EYS: variants seen among roughly 807,000 people sequenced by gnomAD.
EYS encodes the protein protein eyes shut homolog.
In EYS, 250 loss-of-function variants were observed where a neutral mutation model predicts 282.1. That is an observed-to-expected ratio of 0.89 (90% confidence interval 0.80 to 0.98). The LOEUF (loss-of-function observed/expected upper bound fraction) is 0.98. EYS is among the 50% of genes least tolerant of loss of function. EYS has a pLI of 0.00. For missense variants in EYS, 4,016 were observed against 3,709.0 expected (o/e 1.08, Z -2.15); for synonymous variants, 1,355 against 1,282.9 (o/e 1.06, Z -1.20).
chr6:63,720,645 A>G lies in EYS; in HGVS notation c.9386T>C (p.Leu3129Ser). 1.3e-6 allele frequency: 2 copies of G among 1,529,312 alleles called. No individual in the cohort carries two copies. Among genetic ancestry groups the G allele is most frequent in the Non-Finnish European group, 1.8e-6 (2 of 1,136,718 alleles). The allele number at this position is 1,529,312 out of a possible 1,614,324, so 94.7% of individuals were successfully genotyped here. A position where few individuals can be genotyped will look rare whatever the true frequency, so the allele number is the denominator to read the frequency against. ...QEPKNIELIKLEGYNVYDGDE... is the reference protein window; with the variant it reads ...QEPKNIELIKSEGYNVYDGDE... ...TCCATCATAAACATTGTATCCTTCT[A>G]ATTTAATTAGTTCAATGTTTTTTGG... Residue 3129 changes from leucine (L) to serine (S), a missense_variant, in exon 43 of 43, where the codon TTA becomes TCA. Coordinates refer to ENST00000503581, the MANE Select transcript of EYS (RefSeq NM_001142800.2).
At chr6:64,781,469 T>C (rs371348381) in intron 22 of EYS, among the ~76,000 whole-genome samples, 136 of 150,898 alleles carry the variant, frequency 9.0e-4, no homozygotes, top group African/African-American at 3.2e-3. Flanking sequence ...CCCAGCACTT[T>C]GGGAGGCTGA....
intron 29 of EYS, among the ~76,000 whole-genome samples, chr6:64,385,889 T>G (rs1772892577): frequency 6.6e-6 from 1 of 152,330 alleles, no homozygotes; most frequent in East Asian, 1.9e-4. Flanking sequence ...CTTGTGACAT[T>G]TTTTTCCTTT....
At chr6:65,556,586 C>T (rs1228266846) in intron 2 of EYS, among the ~76,000 whole-genome samples, 1 of 152,022 alleles carries the variant, frequency 6.6e-6, no homozygotes, top group African/African-American at 2.4e-5. Flanking sequence ...ATGTGCTTCT[C>T]TAAAGAAAAC....
chr6:64,113,951 T>G (rs111435831), intron 31 of EYS, among the ~76,000 whole-genome samples: 10,022 of 152,194 alleles, frequency 0.066, 989 homozygotes, highest in African/African-American at 0.22. Flanking sequence ...TTTACATATT[T>G]TCTATGGCTG....
chr6:65,194,405 AAATTT>A (rs1362095780), intron 12 of EYS, among the ~76,000 whole-genome samples: 2 of 151,938 alleles, frequency 1.3e-5, no homozygotes, highest in East Asian at 1.9e-4. Flanking sequence ...TTTTTATGTT[AAATTT>A]AAGTTTTAAA....
chr6:64,175,521 T>C lies in EYS; in HGVS notation c.6424+55071A>G, dbSNP rs551439155. Reference sequence around the variant, plus strand: ...GTACGTAAATTATTACTTCTCCAGATAGTCTGATAAGGGGAGGTAATTCAT... The same window carrying C: ...GTACGTAAATTATTACTTCTCCAGACAGTCTGATAAGGGGAGGTAATTCAT... On this transcript the variant is annotated intron_variant, in intron 31 of 42. Transcript: ENST00000503581. 2.0e-5 allele frequency among the ~76,000 whole-genome samples: 3 copies of C among 152,332 alleles called. No homozygotes were observed. The South Asian group carries it at 6.2e-4, about 32-fold the overall frequency.
At chr6:64,177,025 T>C (rs1439175108) in intron 31 of EYS, among the ~76,000 whole-genome samples, 3 of 151,752 alleles carry the variant, frequency 2.0e-5, no homozygotes, top group African/African-American at 7.3e-5. Flanking sequence ...CAATGATATT[T>C]TAATTGAAAA....
At chr6:64,727,487 T>A (rs1429523359) in intron 22 of EYS, among the ~76,000 whole-genome samples, 2 of 152,204 alleles carry the variant, frequency 1.3e-5, no homozygotes, top group African/African-American at 4.8e-5. Context: ...CCATATCACC[T>A]ACCAGTTCCT....
rs1766224665 is a variant in EYS at position 65,395,010 on chromosome 6, T to A, written c.1184+7468A>T. Among the ~76,000 whole-genome samples the A allele has an allele frequency of 2.0e-5, 3 of 149,404 alleles. No homozygotes were observed. In the South Asian group the frequency reaches 6.2e-4, roughly 31 times the overall value. On this transcript the variant is annotated intron_variant, in intron 7 of 42. Coordinates refer to ENST00000503581, the MANE Select transcript of EYS (RefSeq NM_001142800.2). ...GCATCCCCTCTAATTCTTTAACATT[T>A]AACCTCTGACATGTTATATCTTTCT...
At chr6:65,627,197 G>T (rs1766733550) in intron 2 of EYS, among the ~76,000 whole-genome samples, 1 of 152,168 alleles carries the variant, frequency 6.6e-6, no homozygotes. Context: ...TGTAAGAAAG[G>T]CAATTTGTAT....
intron 2 of EYS, among the ~76,000 whole-genome samples, chr6:65,524,309 A>T (rs1767479367): frequency 6.6e-6 from 1 of 152,184 alleles, no homozygotes; most frequent in Non-Finnish European, 1.5e-5. Context: ...TCAATGGAAT[A>T]ATTGTTGTGT....
intron 26 of EYS, among the ~76,000 whole-genome samples, chr6:64,468,040 A>T (rs558653823): frequency 1.1e-4 from 16 of 152,216 alleles, no homozygotes; most frequent in Admixed American, 9.8e-4. Flanking sequence ...TGCCACTGCC[A>T]GCACCCAAGC....
intron 14 of EYS, among the ~76,000 whole-genome samples, chr6:64,964,861 C>T (rs768624150): frequency 6.6e-6 from 1 of 151,864 alleles, no homozygotes; most frequent in Non-Finnish European, 1.5e-5. Flanking sequence ...GTGAAATCCC[C>T]ATCTCTACTA....
chr6:65,392,340 G>C (rs1264637476), intron 7 of EYS, among the ~76,000 whole-genome samples: 5 of 152,046 alleles, frequency 3.3e-5, no homozygotes, highest in African/African-American at 1.2e-4. Context: ...TTAAACTAAA[G>C]AGCTTCTGCA....
At chr6:65,462,249 CT>C (rs1207772379) in intron 5 of EYS, among the ~76,000 whole-genome samples, 2 of 151,992 alleles carry the variant, frequency 1.3e-5, no homozygotes, top group Admixed American at 1.3e-4. Context: ...ATATAATGTT[CT>C]TGAAAAGTCA....
chr6:63,758,391 AATG>A (rs1332023456), intron 41 of EYS, among the ~76,000 whole-genome samples: 2 of 152,306 alleles, frequency 1.3e-5, no homozygotes, highest in East Asian at 3.9e-4. Context: ...TTAAAATGAA[AATG>A]ATAAAAATAT....
At chr6:65,109,150 A>G (rs1430474628) in intron 12 of EYS, among the ~76,000 whole-genome samples, 1 of 151,696 alleles carries the variant, frequency 6.6e-6, no homozygotes, top group African/African-American at 2.4e-5. Context: ...TATACAAACT[A>G]TTTTTATTTT....
At chr6:65,533,510 A>C (rs1331018835) in intron 2 of EYS, among the ~76,000 whole-genome samples, 2 of 152,108 alleles carry the variant, frequency 1.3e-5, no homozygotes, top group Non-Finnish European at 2.9e-5. Flanking sequence ...CTGATACCAA[A>C]GCCTGGGAGA....
intron 12 of EYS, among the ~76,000 whole-genome samples, chr6:65,087,277 G>GA (rs1434259053): frequency 6.6e-6 from 1 of 151,544 alleles, no homozygotes; most frequent in African/African-American, 2.4e-5. Flanking sequence ...AGATCATCCT[G>GA]AAAGCTTCAT....
Sources: gnomAD v4.1 joint callset for allele counts (sites outside exome capture counted in the v4.1 genomes callset) on GRCh38, gnomAD v4.1.1 for gene constraint, MANE v1.5 for transcripts, NCBI Gene and HGNC (gene_info 2026-07-23, HGNC 2026-07-21) for gene names.